SEMA5A: variants seen among roughly 807,000 people sequenced by gnomAD.
SEMA5A encodes the protein semaphorin 5A, also known as semaphorin-5A.
A neutral mutation model predicts 135.5 loss-of-function variants in SEMA5A; 55 were observed. That is an observed-to-expected ratio of 0.41 (90% CI 0.33 to 0.51). The LOEUF is 0.51. SEMA5A is among the 20% of genes least tolerant of loss of function. SEMA5A has a pLI of 0.37. For missense variants in SEMA5A, 1,290 were observed against 1,419.9 expected (o/e 0.91, Z 1.47); for synonymous variants, 580 against 546.5 (o/e 1.06, Z -0.85).
intron 9 of SEMA5A, among the ~76,000 whole-genome samples, chr5:9,201,742 G>A (rs574387326): frequency 6.6e-6 from 1 of 152,172 alleles, no homozygotes; most frequent in Non-Finnish European, 1.5e-5. Context: ...AAACTTTCTT[G>A]ATTTGGCGTA....
intron 3 of SEMA5A, among the ~76,000 whole-genome samples, chr5:9,339,396 G>A (rs1017460683): frequency 2.6e-5 from 4 of 152,152 alleles, no homozygotes; most frequent in Non-Finnish European, 5.9e-5. Flanking sequence ...GGTGCCCCCT[G>A]TGGCCATAAC....
intron 12 of SEMA5A, among the ~76,000 whole-genome samples, chr5:9,148,823 G>T (rs1013482531): frequency 6.6e-6 from 1 of 152,088 alleles, no homozygotes; most frequent in Non-Finnish European, 1.5e-5. Context: ...GGGTTCAAGC[G>T]ATTCTCTTGC....
intron 1 of SEMA5A, among the ~76,000 whole-genome samples, chr5:9,539,466 C>G (rs1737959959): frequency 6.6e-6 from 1 of 152,148 alleles, no homozygotes; most frequent in African/African-American, 2.4e-5. Context: ...TCTAGGATGT[C>G]TAAAATCTCT....
intron 1 of SEMA5A, among the ~76,000 whole-genome samples, chr5:9,500,549 T>C (rs1735540502): frequency 6.6e-6 from 1 of 152,176 alleles, no homozygotes; most frequent in African/African-American, 2.4e-5. Flanking sequence ...GGGAACCCAC[T>C]GAGCTGATCC....
chr5:9,494,325 A>G (rs1735190847), intron 1 of SEMA5A, among the ~76,000 whole-genome samples: 1 of 152,216 alleles, frequency 6.6e-6, no homozygotes, highest in Non-Finnish European at 1.5e-5. Flanking sequence ...TACAATATCC[A>G]TTCAAAAATT....
chr5:9,525,251 A>G (rs1206830926), intron 1 of SEMA5A, among the ~76,000 whole-genome samples: 1 of 152,244 alleles, frequency 6.6e-6, no homozygotes, highest in African/African-American at 2.4e-5. Context: ...CAGAGACCAT[A>G]TAACCCTAGA....
At chr5:9,342,979 A>G (rs924708960) in intron 3 of SEMA5A, among the ~76,000 whole-genome samples, 2 of 152,208 alleles carry the variant, frequency 1.3e-5, no homozygotes, top group Non-Finnish European at 2.9e-5. Flanking sequence ...GGAAGAAAGA[A>G]AAATCGACAG....
intron 8 of SEMA5A, among the ~76,000 whole-genome samples, chr5:9,212,031 T>C (rs1387447569): frequency 1.3e-5 from 2 of 152,194 alleles, no homozygotes; most frequent in Admixed American, 6.5e-5. Flanking sequence ...AGCCAGCTGG[T>C]CTCTGAGTGT....
rs117412184 is a variant in SEMA5A, at chr5:9,219,600, C to T, written c.646+5074G>A. The stretch of plus-strand genomic sequence containing the variant: ...CAACAGGCATGGACAGAGGGAAGAC[C>T]ATGTTTAGAAGATATAGGGAGAAGA... On this transcript the variant is annotated intron_variant, in intron 8 of 22. Transcript: ENST00000382496. Among the ~76,000 whole-genome samples, 143 of 152,120 alleles carry T rather than the reference C, an allele frequency of 9.4e-4. No individual in the cohort carries two copies. In the East Asian group the frequency reaches 0.025, roughly 27 times the overall value.
chr5:9,311,619 A>G (rs577693354), intron 5 of SEMA5A, among the ~76,000 whole-genome samples: 62 of 151,634 alleles, frequency 4.1e-4, no homozygotes, highest in Middle Eastern at 6.8e-3. Flanking sequence ...GGGAGGGATA[A>G]CATTAGGAGA....
At chr5:9,164,275 TATTTATATA>T (rs1311481756) in intron 11 of SEMA5A, among the ~76,000 whole-genome samples, 2 of 145,340 alleles carry the variant, frequency 1.4e-5, no homozygotes, top group African/African-American at 5.0e-5. Flanking sequence ...ATGATATAAA[TATTTATATA>T]ATTTATATAA....
At chr5:9,122,924 A>C in intron 13 of SEMA5A, 87 bp from the exon 14 acceptor site, 4 of 1,185,538 alleles carry the variant, frequency 3.4e-6, no homozygotes, top group Non-Finnish European at 4.6e-6. Context: ...TCATAAGACA[A>C]TCAAAACTCC....
At chr5:9,493,468 AATTAATTATTAATTATTAACTTATTT>A (rs1489480802) in intron 1 of SEMA5A, among the ~76,000 whole-genome samples, 1 of 151,998 alleles carries the variant, frequency 6.6e-6, no homozygotes, top group Non-Finnish European at 1.5e-5. Context: ...TGCCCGGTAA[AATTAATTATTAATTATTAACTTATTT>A]ATTTCTATGG....
intron 1 of SEMA5A, chr5:9,517,020 C>T (rs989934873): frequency 6.6e-6 from 1 of 152,240 alleles, no homozygotes; most frequent in Non-Finnish European, 1.5e-5. Flanking sequence ...AATGTGAACA[C>T]AGTGCACTTC....
chr5:9,173,421 A>G lies in SEMA5A; in HGVS notation c.1273+16846T>C, dbSNP rs542375364. ...ATAGACTGGGGGGGTTATCAACAAC[A>G]GAGATTTATATCTCATAGTTCTAAA... On this transcript the variant is annotated intron_variant, in intron 11 of 22. Coordinates refer to ENST00000382496, the MANE Select transcript of SEMA5A (RefSeq NM_003966.3). 5.5e-4 allele frequency among the ~76,000 whole-genome samples: 83 copies of G among 152,214 alleles called. 2 individuals carry two copies. In the South Asian group the frequency reaches 0.017, roughly 32 times the overall value.
At chr5:9,182,069 G>A (rs1163734792) in intron 11 of SEMA5A, among the ~76,000 whole-genome samples, 2 of 151,644 alleles carry the variant, frequency 1.3e-5, no homozygotes, top group African/African-American at 4.9e-5. Context: ...ACCACTGAAA[G>A]CCCTGCCTCC....
chr5:9,082,156 A>G (rs1237882485), intron 16 of SEMA5A, among the ~76,000 whole-genome samples: 2 of 152,204 alleles, frequency 1.3e-5, no homozygotes, highest in African/African-American at 4.8e-5. Context: ...GACAGATTCT[A>G]CAATCGATTT....
At chr5:9,158,453 G>A (rs2619923) in intron 11 of SEMA5A, among the ~76,000 whole-genome samples, 83,607 of 150,842 alleles carry the variant, frequency 0.55, 25,798 homozygotes, top group Middle Eastern at 0.77. Context: ...AAAAGTGCCA[G>A]AAATATGTAA....
At chr5:9,126,642 T>G (rs1741129757) in intron 13 of SEMA5A, among the ~76,000 whole-genome samples, 1 of 151,662 alleles carries the variant, frequency 6.6e-6, no homozygotes, top group Non-Finnish European at 1.5e-5. Context: ...TCCCTGAGAA[T>G]TCAGAGGCTA....
Sources: allele counts gnomAD v4.1 joint callset (sites outside exome capture counted in the v4.1 genomes callset), GRCh38; gene constraint gnomAD v4.1.1; transcripts MANE v1.5; gene names NCBI Gene and HGNC (gene_info 2026-07-23, HGNC 2026-07-21).